CROCC: variants seen among roughly 807,000 people sequenced by gnomAD.
The protein encoded by CROCC is rootletin.
A neutral mutation model predicts 245.2 loss-of-function variants in CROCC; 180 were observed. The ratio of observed to expected loss-of-function variants is 0.73; its 90% confidence interval spans 0.65 to 0.83. The LOEUF (loss-of-function observed/expected upper bound fraction) is 0.83. Ranked by LOEUF, CROCC falls within the 40% of genes least tolerant of loss-of-function variation. The probability of loss-of-function intolerance (pLI) is 0.00; values close to 1 mark genes in which losing one functional copy is unlikely to be tolerated. For synonymous variants in CROCC, 1,205 were observed against 1,241.6 expected (o/e 0.97, Z 0.62); for missense variants, 2,688 against 2,779.4 (o/e 0.97, Z 0.74).
At chr1:16,945,387 C>A in intron 14 of CROCC, 75 bp from the exon 15 acceptor site, 1 of 1,594,610 alleles carries the variant, frequency 6.3e-7, no homozygotes, top group East Asian at 2.3e-5. Flanking sequence ...GGTCCCCAGC[C>A]CAGCATCTCG....
chr1:16,953,131 C>G, intron 20 of CROCC, 171 bp from the exon 21 acceptor site: 1 of 640,948 alleles, frequency 1.6e-6, no homozygotes, highest in Non-Finnish European at 2.6e-6. Flanking sequence ...TTGGCACTTT[C>G]ACGGCCCTGG....
rs762401789 is a variant in CROCC at position 16,960,979 on chromosome 1, G to C, written c.4254G>C (p.Glu1418Asp). The C allele has an allele frequency of 1.4e-5, 19 of 1,349,308 alleles. No individual in the cohort carries two copies. Among genetic ancestry groups the C allele is most frequent in the Middle Eastern group, 2.7e-4 (1 of 3,648 alleles). The allele number at this position is 1,349,308 out of a possible 1,614,324, so 83.6% of individuals were successfully genotyped here. A position where few individuals can be genotyped will look rare whatever the true frequency, so the allele number is the denominator to read the frequency against. ...AEGRAQGLEA[E>D]LARVEVQRRA... ...GCCGGGCACAAGGCCTGGAGGCCGAGCTGGCCCGCGTGGAGGTGCAGCGGC... is the reference window on the plus strand; with the variant it reads ...GCCGGGCACAAGGCCTGGAGGCCGACCTGGCCCGCGTGGAGGTGCAGCGGC... Residue 1418 changes from glutamate to aspartate, a missense_variant, in exon 27 of 37, where the codon GAG becomes GAC. Glu to Asp is a conservative substitution (Grantham distance 45, BLOSUM62 2). Transcript: ENST00000375541.
Position 16,968,322 on chromosome 1 carries a change from G to A in CROCC, c.4980G>A (p.Ser1660=), listed in dbSNP as rs747679739. ...TCAAGCTGGAGCTGCAGCGGCGCTC[G>A]CTTGAGGGGGAGCTGCAGCGCAGCC... ...RTVKLELQRR[S]LEGELQRSRL... The change falls in exon 31 of 37, where the codon TCG becomes TCA. Residue 1660 remains serine (S), a synonymous_variant. Transcript: ENST00000375541. The A allele has an allele frequency of 1.6e-4, 246 of 1,548,666 alleles. No individual in the cohort carries two copies. Among genetic ancestry groups the A allele is most frequent in the Non-Finnish European group, 2.1e-4 (237 of 1,146,678 alleles).
At chr1:16,933,090 C>G (rs2075713966) in intron 8 of CROCC, among the ~76,000 whole-genome samples, 1 of 152,264 alleles carries the variant, frequency 6.6e-6, no homozygotes, top group Non-Finnish European at 1.5e-5. Flanking sequence ...GGATTACAGG[C>G]ATGAGCAACC....
chr1:16,932,865 T>C (rs1282306844), intron 8 of CROCC, among the ~76,000 whole-genome samples: 5 of 152,382 alleles, frequency 3.3e-5, no homozygotes, highest in African/African-American at 1.2e-4. Flanking sequence ...TAGTTAGTAA[T>C]CTTTTCTTTT....
intron 25 of CROCC, among the ~76,000 whole-genome samples, chr1:16,958,169 T>C (rs2076276843): frequency 6.6e-6 from 1 of 152,296 alleles, no homozygotes. Flanking sequence ...TCATATAGCA[T>C]TGTACCAAGA....
chr1:16,967,773 C>T (rs192079644), intron 30 of CROCC, among the ~76,000 whole-genome samples: 2 of 152,286 alleles, frequency 1.3e-5, no homozygotes, highest in African/African-American at 4.8e-5. Flanking sequence ...CAGCAGGGCC[C>T]CCTCAGAACT....
Position 16,937,734 on chromosome 1 carries a change from C to T in CROCC, c.1287C>T (p.Ala429=). The T allele has an allele frequency of 1.9e-6, 3 of 1,608,938 alleles. No individual in the cohort carries two copies. The highest frequency in any genetic ancestry group is 2.5e-6 in the Non-Finnish European group (3 of 1,177,932). ...VNKDLTEKLE[A]LESLRLQEQA... ...AGGACCTCACTGAGAAGCTTGAGGCCCTGGTGAGCTGCAGGTGCCCCTGAG... is the reference window on the plus strand; with the variant it reads ...AGGACCTCACTGAGAAGCTTGAGGCTCTGGTGAGCTGCAGGTGCCCCTGAG... Residue 429 remains alanine (A), a synonymous_variant, in exon 10 of 37, where the codon GCC becomes GCT. Transcript: ENST00000375541.
In CROCC at chr1:16,958,717, G is replaced by T; in HGVS notation, c.3999G>T (p.Lys1333Asn). Residue 1333 changes from lysine to asparagine, a missense_variant, in exon 26 of 37, where the codon AAG becomes AAT. This residue lies in a region of CROCC where 1,218 missense variants were observed against 1,286.3 expected (regional missense o/e 0.95). Transcript: ENST00000375541. ...TGGGCCTCCGGCAGAGGCTGCTGAA[G>T]GGCGAGGCCAGCCTGGAGGTGATGC... is the stretch of plus-strand genomic sequence containing the variant. ...ETLGLRQRLL[K>N]GEASLEVMRQ... The T allele has an allele frequency of 6.4e-7, 1 of 1,562,232 alleles. No individual in the cohort carries two copies. The highest frequency in any genetic ancestry group is 8.7e-7 in the Non-Finnish European group (1 of 1,154,100).
chr1:16,954,465 C>T lies in CROCC; in HGVS notation c.3321+108C>T. ...GCCCTGTCCTGGAGAAGCTTCCAGG[C>T]TGTGGGAAAGGAGGTTTAGCCCTTC... On this transcript the variant is annotated intron_variant, in intron 22 of 36. Transcript: ENST00000375541. The surrounding 1 kb of genome is among the most constrained non-coding windows in gnomAD (Gnocchi z 4.4). The T allele has an allele frequency of 7.0e-7, 1 of 1,432,632 alleles. No homozygotes were observed. Among genetic ancestry groups the T allele is most frequent in the East Asian group, 2.4e-5 (1 of 42,286 alleles). The allele number at this position is 1,432,632 out of a possible 1,614,324, so 88.7% of individuals were successfully genotyped here. A position where few individuals can be genotyped will look rare whatever the true frequency, so the allele number is the denominator to read the frequency against.
chr1:16,926,329 G>A (rs1392807644), intron 3 of CROCC, among the ~76,000 whole-genome samples: 1 of 152,268 alleles, frequency 6.6e-6, no homozygotes, highest in Non-Finnish European at 1.5e-5. Context: ...TCCGGGAGAG[G>A]GGCATGATAG....
chr1:16,918,485 CTT>C (rs2075336253), upstream of CROCC, among the ~76,000 whole-genome samples: 1 of 152,146 alleles, frequency 6.6e-6, no homozygotes, highest in Non-Finnish European at 1.5e-5. Flanking sequence ...TCCTCCAACC[CTT>C]AGGGCCGTGG....
At chr1:16,972,301 C>T in intron 36 of CROCC, 59 bp from the exon 37 acceptor site, 1 of 1,395,070 alleles carries the variant, frequency 7.2e-7, no homozygotes, top group Non-Finnish European at 1.0e-6. Context: ...CCTGCTGCCT[C>T]CCTTTCTCTG....
At chr1:16,944,509 A>T (rs2076003938) in intron 14 of CROCC, among the ~76,000 whole-genome samples, 1 of 152,310 alleles carries the variant, frequency 6.6e-6, no homozygotes, top group Admixed American at 6.5e-5. Context: ...AACTTGGATG[A>T]TAATAACAAG....
At chr1:16,923,014 A>G (rs2075444344) in intron 2 of CROCC, among the ~76,000 whole-genome samples, 1 of 152,274 alleles carries the variant, frequency 6.6e-6, no homozygotes, top group African/African-American at 2.4e-5. Context: ...ACTAGAAGGA[A>G]GGGCCGAGCA....
chr1:16,955,486 G>A lies in CROCC; in HGVS notation c.3640G>A (p.Ala1214Thr). 1.9e-6 allele frequency: 3 copies of A among 1,580,720 alleles called. No individual in the cohort carries two copies. Among genetic ancestry groups the A allele is most frequent in the South Asian group, 2.3e-5 (2 of 87,476 alleles). Residue 1214 changes from alanine (A) to threonine (T), a missense_variant, in exon 24 of 37, where the codon GCC becomes ACC. Coordinates refer to ENST00000375541, the MANE Select transcript of CROCC (RefSeq NM_014675.5). ...SLGEGAKERE[A>T]LRRSNEELRS... ...GGGCGAGGGTGCCAAGGAGCGCGAGGCCCTGCGGCGTTCCAATGAGGAGCT... is the reference window on the plus strand; with the variant it reads ...GGGCGAGGGTGCCAAGGAGCGCGAGACCCTGCGGCGTTCCAATGAGGAGCT...
intron 34 of CROCC, 60 bp downstream of exon 34, chr1:16,970,513 A>G: frequency 1.3e-6 from 2 of 1,496,218 alleles, no homozygotes; most frequent in Non-Finnish European, 1.8e-6. Context: ...GGTGGATCCC[A>G]CTGCACATCC....
At chr1:16,961,330 C>A (rs1437655534) in intron 27 of CROCC, among the ~76,000 whole-genome samples, 200 bp downstream of exon 27, 1 of 151,890 alleles carries the variant, frequency 6.6e-6, no homozygotes, top group Non-Finnish European at 1.5e-5. Context: ...CTCAAGGGCG[C>A]TTCTTTTTTC....
In CROCC at chr1:16,929,950, G is replaced by A; in HGVS notation, c.456G>A (p.Gln152=). 1 of 1,587,148 alleles carries A rather than the reference G, an allele frequency of 6.3e-7. No individual in the cohort carries two copies. Among genetic ancestry groups the A allele is most frequent in the Non-Finnish European group, 8.5e-7 (1 of 1,170,076 alleles). The change falls in exon 4 of 37, where the codon CAG becomes CAA. Residue 152 remains glutamine (Q), a synonymous_variant. Transcript: ENST00000375541. ...VELRRQLQEE[Q]ASYRRKLQAY... ...TGCGGAGGCAGCTGCAGGAGGAGCAGGCCTCCTACCGGCGCAAGCTGCAGG... is the reference window on the plus strand; with the variant it reads ...TGCGGAGGCAGCTGCAGGAGGAGCAAGCCTCCTACCGGCGCAAGCTGCAGG...
Sources: gnomAD v4.1 joint callset for allele counts (sites outside exome capture counted in the v4.1 genomes callset) on GRCh38, gnomAD v4.1.1 for gene constraint, gnomAD v4.1.1 regional missense constraint, Gnocchi (gnomAD v3.1) non-coding constraint, MANE v1.5 for transcripts, NCBI Gene and HGNC (gene_info 2026-07-23, HGNC 2026-07-21) for gene names.